C1orf87: variants seen among roughly 807,000 people sequenced by gnomAD.
C1orf87 encodes uncharacterized protein C1orf87.
In C1orf87, 58 loss-of-function variants were observed where a neutral mutation model predicts 60.5. That is an observed-to-expected ratio of 0.96 (90% CI 0.78 to 1.19). C1orf87 has a LOEUF of 1.19. Ranked by LOEUF, C1orf87 falls within the 50% of genes most tolerant of loss-of-function variation. The pLI, the probability that C1orf87 is intolerant of heterozygous loss-of-function variation, is 0.00. For missense variants in C1orf87, 673 were observed against 638.6 expected (o/e 1.05, Z -0.58); for synonymous variants, 236 against 227.4 (o/e 1.04, Z -0.34).
chr1:60,044,352 A>T (rs185850663), intron 3 of C1orf87, among the ~76,000 whole-genome samples: 21 of 152,364 alleles, frequency 1.4e-4, no homozygotes, highest in African/African-American at 4.8e-4. Flanking sequence ...TTCTGGCTTC[A>T]ACTATGGAAA....
chr1:60,066,442 G>C (rs1438889735), intron 2 of C1orf87, among the ~76,000 whole-genome samples: 2 of 152,128 alleles, frequency 1.3e-5, no homozygotes, highest in Middle Eastern at 6.8e-3. Context: ...CACTTTCTTT[G>C]CTCATCTATA....
At chr1:60,064,287 T>TAA (rs1557481459) in intron 2 of C1orf87, among the ~76,000 whole-genome samples, 1 of 107,640 alleles carries the variant, frequency 9.3e-6, no homozygotes, top group Non-Finnish European at 2.0e-5. Context: ...AAATTATATA[T>TAA]TATATATATA....
chr1:60,023,430 G>A (rs1384746910), intron 8 of C1orf87, among the ~76,000 whole-genome samples: 1 of 151,898 alleles, frequency 6.6e-6, no homozygotes, highest in Non-Finnish European at 1.5e-5. Flanking sequence ...TATCTATGTC[G>A]TCAAGCTCAT....
In C1orf87 at chr1:60,025,489, T is replaced by C. The variant is rs909039683; in HGVS notation, c.1039A>G (p.Ile347Val). The C allele has an allele frequency of 6.2e-7, 1 of 1,609,424 alleles. No individual in the cohort carries two copies. Among genetic ancestry groups the C allele is most frequent in the Non-Finnish European group, 8.5e-7 (1 of 1,178,188 alleles). Residue 347 changes from isoleucine to valine, a missense_variant, in exon 8 of 12, where the codon ATA becomes GTA. Transcript: ENST00000371201. ...AGATATAATCCATGCTTCCCACATA[T>C]AGCCCTGACCTACAAGTTAAAAAAA... ...GCLPLPKVRA[I>V]CGKHGLYLTL... is the part of the protein sequence containing the mutation.
intron 8 of C1orf87, among the ~76,000 whole-genome samples, chr1:60,023,881 G>T (rs1435270802): frequency 6.6e-6 from 1 of 152,152 alleles, no homozygotes; most frequent in Non-Finnish European, 1.5e-5. Context: ...ATGTCTCTCT[G>T]TTGTGAATTG....
At chr1:60,043,156 A>G (rs1264309343) in intron 3 of C1orf87, among the ~76,000 whole-genome samples, 1 of 152,240 alleles carries the variant, frequency 6.6e-6, no homozygotes, top group Non-Finnish European at 1.5e-5. Context: ...GGCAAAAGAT[A>G]AGCCTGGAGA....
At chr1:60,000,933 A>C in intron 10 of C1orf87, 144 bp downstream of exon 10, 1 of 649,912 alleles carries the variant, frequency 1.5e-6, no homozygotes, top group Non-Finnish European at 2.6e-6. Context: ...TTGCCCAAGG[A>C]GAGTCTTGAA....
At chr1:60,010,714 C>T (rs1380144718) in intron 8 of C1orf87, 1 of 284,720 alleles carries the variant, frequency 3.5e-6, no homozygotes, top group Non-Finnish European at 6.5e-6. Context: ...GTCCAGAGAT[C>T]AGGGAACAGC....
chr1:60,017,276 C>T (rs1645130214), intron 8 of C1orf87, among the ~76,000 whole-genome samples: 1 of 152,206 alleles, frequency 6.6e-6, no homozygotes, highest in Non-Finnish European at 1.5e-5. Flanking sequence ...TAGCTTGCTA[C>T]CTAACACTTT....
intron 2 of C1orf87, among the ~76,000 whole-genome samples, chr1:60,067,534 A>G (rs1471222508): frequency 1.6e-5 from 2 of 121,660 alleles, no homozygotes; most frequent in Non-Finnish European, 3.5e-5. Flanking sequence ...GTGTCTGTTC[A>G]TATCTTTTGC....
intron 11 of C1orf87, 114 bp downstream of exon 11, chr1:59,997,495 A>G: frequency 4.3e-6 from 4 of 925,168 alleles, no homozygotes; most frequent in Non-Finnish European, 6.6e-6. Context: ...TGCAGGGCAC[A>G]TGATTTATAT....
intron 5 of C1orf87, among the ~76,000 whole-genome samples, chr1:60,039,337 C>G (rs1183942096): frequency 1.3e-5 from 2 of 152,196 alleles, no homozygotes; most frequent in Non-Finnish European, 2.9e-5. Flanking sequence ...ACTTGGACTA[C>G]TCTTTATATT....
At chr1:60,073,453 G>A (rs1557485309) in intron 1 of C1orf87, among the ~76,000 whole-genome samples, 1 of 152,200 alleles carries the variant, frequency 6.6e-6, no homozygotes, top group East Asian at 1.9e-4. Context: ...GGTCACAGAG[G>A]AATGAAGGAC....
At position 60,043,820 on chromosome 1, in the gene C1orf87, A is replaced by G. The variant is rs182096493; in HGVS notation, c.343-2689T>C. 3.4e-3 allele frequency among the ~76,000 whole-genome samples: 519 copies of G among 151,992 alleles called. 3 individuals are homozygous for G. The highest frequency in any genetic ancestry group is 3.3e-3 in the Non-Finnish European group (221 of 67,996). On this transcript the variant is annotated intron_variant, in intron 3 of 11. Coordinates refer to ENST00000371201, the MANE Select transcript of C1orf87 (RefSeq NM_152377.3). ...TGCCTCTGAGAATTTATGTGTTTCTATGATAGTGTTTTAAAGAAATGTTAT... is the reference window on the plus strand; with the variant it reads ...TGCCTCTGAGAATTTATGTGTTTCTGTGATAGTGTTTTAAAGAAATGTTAT...
chr1:60,038,533 A>C lies in C1orf87; in HGVS notation c.748-426T>G, dbSNP rs529440120. On this transcript the variant is annotated intron_variant, in intron 5 of 11. Transcript: ENST00000371201. ...TATGGCTGGCTCTATGGAAATAAACATGAAAAAAAATAACTTTTTGTGGCT... is the reference window on the plus strand; with the variant it reads ...TATGGCTGGCTCTATGGAAATAAACCTGAAAAAAAATAACTTTTTGTGGCT... Among the ~76,000 whole-genome samples the C allele has an allele frequency of 9.9e-5, 15 of 152,036 alleles. No individual in the cohort carries two copies. The South Asian group carries it at 2.9e-3, about 29-fold the overall frequency.
chr1:60,059,289 G>A lies in C1orf87; in HGVS notation c.108-3851C>T, dbSNP rs1645478392. ...CATTTGCCATTTCAAAAGAAGGGGG[G>A]AAAAACGCCATCAATACTATCTTGG... On this transcript the variant is annotated intron_variant, in intron 2 of 11. Coordinates refer to ENST00000371201, the MANE Select transcript of C1orf87 (RefSeq NM_152377.3). 1.3e-5 allele frequency among the ~76,000 whole-genome samples: 2 copies of A among 152,092 alleles called. 1 individual carries two copies. Among genetic ancestry groups the A allele is most frequent in the African/African-American group, 4.8e-5 (2 of 41,394 alleles).
chr1:60,057,804 A>G (rs547782297), intron 2 of C1orf87, among the ~76,000 whole-genome samples: 1 of 152,286 alleles, frequency 6.6e-6, no homozygotes. Context: ...GACAGCTGCT[A>G]TGAAGAGTGG....
chr1:60,006,985 C>G, intron 9 of C1orf87, among the ~76,000 whole-genome samples: 1 of 151,926 alleles, frequency 6.6e-6, no homozygotes, highest in East Asian at 1.9e-4. Flanking sequence ...AACCAGAGCT[C>G]ACTGCAGCCT....
intron 2 of C1orf87, among the ~76,000 whole-genome samples, chr1:60,060,869 T>C (rs1645491911): frequency 6.6e-6 from 1 of 152,210 alleles, no homozygotes; most frequent in African/African-American, 2.4e-5. Context: ...CCAATGTTTA[T>C]TGGCTAAAAT....
Sources: gnomAD v4.1 joint callset for allele counts (sites outside exome capture counted in the v4.1 genomes callset) on GRCh38, gnomAD v4.1.1 for gene constraint, MANE v1.5 for transcripts, NCBI Gene and HGNC (gene_info 2026-07-23, HGNC 2026-07-21) for gene names.